Variants in RGS6 observed in about 807,000 individuals in gnomAD.
The protein encoded by RGS6 is regulator of G protein signaling 6, also known as regulator of G-protein signaling 6.
In RGS6, 30 loss-of-function variants were observed where a neutral mutation model predicts 78.5. The observed-to-expected ratio is 0.38, with a 90% CI of 0.29 to 0.52. RGS6 has a LOEUF of 0.52. RGS6 is among the 20% of genes least tolerant of loss of function. The pLI, the probability that RGS6 is intolerant of heterozygous loss-of-function variation, is 0.85. For missense variants in RGS6, 495 were observed against 609.7 expected (o/e 0.81, Z 1.98); for synonymous variants, 206 against 206.0 (o/e 1.00, Z 0.00).
Position 72,106,184 on chromosome 14 carries a change from ATCTG to A in RGS6, c.84+141313_84+141316del, listed in dbSNP as rs1201739425. Among the ~76,000 whole-genome samples the A allele has an allele frequency of 7.2e-5, 11 of 152,320 alleles. No individual in the cohort carries two copies. The East Asian group carries it at 1.3e-3, about 19-fold the overall frequency. On this transcript the variant is annotated intron_variant, in intron 2 of 17. Coordinates refer to ENST00000553525, the MANE Select transcript of RGS6 (RefSeq NM_001204424.2). ...AGAACTTTTTTTCTAAGTTCTGTTG[ATCTG>A]TCTTTCTACCCATTCAATCATTAAT...
intron 3 of RGS6, among the ~76,000 whole-genome samples, chr14:72,393,793 G>A (rs879735512): frequency 6.6e-6 from 1 of 152,198 alleles, no homozygotes; most frequent in African/African-American, 2.4e-5. Context: ...CTTGCCCATA[G>A]TGTGAGACAG....
intron 8 of RGS6, among the ~76,000 whole-genome samples, chr14:72,470,647 G>C (rs8015672): frequency 0.071 from 10,732 of 152,012 alleles, 738 homozygotes; most frequent in African/African-American, 0.17. Flanking sequence ...TGAGACCGAG[G>C]TGGGGGTGGA....
chr14:72,514,727 C>G (rs559200888), intron 14 of RGS6, among the ~76,000 whole-genome samples: 1 of 152,218 alleles, frequency 6.6e-6, no homozygotes. Context: ...CCAGTCACAA[C>G]GGCCCTTCTG....
chr14:72,313,047 G>A (rs1017980673), intron 2 of RGS6, among the ~76,000 whole-genome samples: 2 of 152,164 alleles, frequency 1.3e-5, no homozygotes, highest in African/African-American at 4.8e-5. Flanking sequence ...GAGCTGCAGC[G>A]ACTTGAGTTT....
intron 2 of RGS6, among the ~76,000 whole-genome samples, chr14:72,117,660 A>G (rs978115765): frequency 2.0e-5 from 3 of 152,148 alleles, no homozygotes; most frequent in African/African-American, 7.2e-5. Flanking sequence ...CAGCCACAAC[A>G]TGGGGGACCT....
chr14:72,218,985 C>G (rs761624342), intron 2 of RGS6, among the ~76,000 whole-genome samples: 2 of 151,796 alleles, frequency 1.3e-5, no homozygotes, highest in Non-Finnish European at 2.9e-5. Flanking sequence ...CTGAACAATG[C>G]TTATCTAACA....
chr14:72,506,984 TAAA>T (rs71109738), intron 13 of RGS6, among the ~76,000 whole-genome samples: 268 of 54,300 alleles, frequency 4.9e-3, no homozygotes, highest in South Asian at 0.032. Flanking sequence ...CTGTCTCTAC[TAAA>T]AAAAAAAAAA....
intron 2 of RGS6, among the ~76,000 whole-genome samples, chr14:72,335,771 TTGGGCCACATGTGGCCTG>T (rs1369352035): frequency 2.0e-5 from 3 of 152,220 alleles, no homozygotes; most frequent in Admixed American, 6.5e-5. Context: ...CAAACTTGTA[TTGGGCCACATGTGGCCTG>T]TGGGCCACTG....
intron 2 of RGS6, among the ~76,000 whole-genome samples, chr14:72,313,495 AG>A (rs963967202): frequency 6.6e-6 from 1 of 151,874 alleles, no homozygotes; most frequent in Non-Finnish European, 1.5e-5. Context: ...AATCCCTGGG[AG>A]GGGGGGCTTG....
chr14:72,014,193 A>G (rs1476783305), intron 2 of RGS6, among the ~76,000 whole-genome samples: 1 of 152,208 alleles, frequency 6.6e-6, no homozygotes, highest in Non-Finnish European at 1.5e-5. Context: ...TTCTCAGTGC[A>G]GTGCCTTGAC....
chr14:72,566,771 C>T (rs1225984249), downstream of RGS6, among the ~76,000 whole-genome samples: 1 of 152,020 alleles, frequency 6.6e-6, no homozygotes, highest in East Asian at 1.9e-4. Context: ...TAGGTAGAGA[C>T]AGTGGTGTCA....
At position 72,194,460 on chromosome 14, in the gene RGS6, TC is replaced by T. The variant is rs200243538; in HGVS notation, c.85-157633del. Among the ~76,000 whole-genome samples, 21 of 51,486 alleles carry T rather than the reference TC, an allele frequency of 4.1e-4. No individual in the cohort carries two copies. The East Asian group carries it at 0.016, about 39-fold the overall frequency. 33.8% of individuals were successfully genotyped at this position (51,486 alleles called of 152,430 possible). On this transcript the variant is annotated intron_variant, in intron 2 of 17. Transcript: ENST00000553525. ...ATCATAGCTCACTGCAGTCTCAAGC[TC>T]CTTGGGCTCAAGTGATCCTCTGGCC...
At position 72,283,606 on chromosome 14, in the gene RGS6, C is replaced by T. The variant is rs868365875; in HGVS notation, c.85-68489C>T. 7.2e-4 allele frequency among the ~76,000 whole-genome samples: 110 copies of T among 152,302 alleles called. 1 individual carries two copies. In the Middle Eastern group the frequency reaches 0.01, roughly 14 times the overall value. ...TGCCTTCCACCATGATTGTGAGGCA[C>T]CCCACCCCCAGCCATGTGGAACTGT... On this transcript the variant is annotated intron_variant, in intron 2 of 17. Coordinates refer to ENST00000553525, the MANE Select transcript of RGS6 (RefSeq NM_001204424.2).
chr14:72,438,629 C>G lies in RGS6; in HGVS notation c.185-15899C>G, dbSNP rs1461793107. 3.3e-5 allele frequency among the ~76,000 whole-genome samples: 5 copies of G among 152,184 alleles called. No individual in the cohort carries two copies. The East Asian group carries it at 9.6e-4, about 29-fold the overall frequency. ...CCCATCCATCAGAGAGGACCAGGAG[C>G]CTTGCCTCCAAACCCATTTGCTTCT... On this transcript the variant is annotated intron_variant, in intron 3 of 17. Transcript: ENST00000553525.
At chr14:72,484,823 A>C (rs140974363) in intron 12 of RGS6, among the ~76,000 whole-genome samples, 3 of 150,564 alleles carry the variant, frequency 2.0e-5, no homozygotes, top group Non-Finnish European at 4.4e-5. Context: ...AGCTCTAACA[A>C]CTCTCTGAGA....
At chr14:72,158,236 C>T (rs983621108) in intron 2 of RGS6, among the ~76,000 whole-genome samples, 1 of 152,162 alleles carries the variant, frequency 6.6e-6, no homozygotes, top group African/African-American at 2.4e-5. Context: ...AGGCCTTCCT[C>T]CTTGGCTTGT....
chr14:72,195,221 A>G (rs1334433489), intron 2 of RGS6, among the ~76,000 whole-genome samples: 2 of 151,826 alleles, frequency 1.3e-5, no homozygotes, highest in African/African-American at 4.8e-5. Context: ...AAAAAAAAAG[A>G]ATAAAGAAAT....
At chr14:72,277,800 C>T (rs2060929305) in intron 2 of RGS6, among the ~76,000 whole-genome samples, 1 of 151,836 alleles carries the variant, frequency 6.6e-6, no homozygotes, top group African/African-American at 2.4e-5. Context: ...TGGTGGTATG[C>T]ACCTGTAGTC....
intron 2 of RGS6, among the ~76,000 whole-genome samples, chr14:72,305,391 A>T (rs1567711041): frequency 6.6e-6 from 1 of 152,122 alleles, no homozygotes; most frequent in African/African-American, 2.4e-5. Context: ...CAGATATCAC[A>T]TTTTTTTACA....
Sources: allele counts gnomAD v4.1 joint callset (sites outside exome capture counted in the v4.1 genomes callset), GRCh38; gene constraint gnomAD v4.1.1; transcripts MANE v1.5; gene names NCBI Gene and HGNC (gene_info 2026-07-23, HGNC 2026-07-21).